HNRNPA2B1: variants seen among roughly 807,000 people sequenced by gnomAD.
HNRNPA2B1 encodes the protein heterogeneous nuclear ribonucleoprotein A2/B1, also known as heterogeneous nuclear ribonucleoproteins A2/B1.
Under a neutral mutation model 46.3 loss-of-function variants are expected in HNRNPA2B1, and 3 were observed. That is an observed-to-expected ratio of 0.06 (90% CI 0.03 to 0.17). HNRNPA2B1 has a LOEUF of 0.17. HNRNPA2B1 is among the 10% of genes least tolerant of loss of function. The probability of loss-of-function intolerance (pLI) is 1.00; values close to 1 mark genes in which losing one functional copy is unlikely to be tolerated. For missense variants in HNRNPA2B1, 221 were observed against 418.9 expected (o/e 0.53, Z 4.12); for synonymous variants, 225 against 133.8 (o/e 1.68, Z -4.70).
chr7:26,197,482 C>T (rs1384917150), intron 2 of HNRNPA2B1, 21 bp from the exon 3 acceptor site: 1 of 1,611,028 alleles, frequency 6.2e-7, no homozygotes, highest in Non-Finnish European at 8.5e-7. Flanking sequence ...AAAGGGTAAA[C>T]TTTAGCATTT....
At position 26,193,246 on chromosome 7, in the gene HNRNPA2B1, A is replaced by G. The variant is rs878989290; in HGVS notation, c.964+5T>C. The G allele has an allele frequency of 1.2e-6, 2 of 1,606,210 alleles. No individual in the cohort carries two copies. Among genetic ancestry groups the G allele is most frequent in the South Asian group, 1.1e-5 (1 of 89,284 alleles). On this transcript the variant is annotated splice_donor_5th_base_variant and intron_variant, in intron 9 of 10. Coordinates refer to ENST00000618183, the MANE Select transcript of HNRNPA2B1 (RefSeq NM_002137.4). ...ATCTGAATAACCTCAATTTTTATAA[A>G]TTACCTCCACCATATGGTCCCCCCA...
At position 26,196,462 on chromosome 7, in the gene HNRNPA2B1, A is replaced by C; in HGVS notation, c.597T>G (p.Asp199Glu). Residue 199 changes from aspartate (D) to glutamate (E), a missense_variant, in exon 6 of 11, where the codon GAT becomes GAG. Asp to Glu is a conservative substitution (Grantham distance 45). Around this residue, in one of 2 missense-constraint regions of HNRNPA2B1, gnomAD observed 143 missense variants for 200.5 expected, o/e 0.71. Transcript: ENST00000618183. ...CGAAATTTCCACCGCCACCACGTGA[A>C]TCCCCAAAGCCAAAGTTGCCTACAA... Reference protein sequence around the residue: ...SGRGGNFGFGDSRGGGGNFGP... With the variant: ...SGRGGNFGFGESRGGGGNFGP... 1 of 1,614,196 alleles carries C rather than the reference A, an allele frequency of 6.2e-7. No individual in the cohort carries two copies.
chr7:26,196,017 G>A lies in HNRNPA2B1; in HGVS notation c.659-108C>T, dbSNP rs61009175. The A allele has an allele frequency of 0.03, 42,125 of 1,405,676 alleles. 713 individuals are homozygous for A. Among genetic ancestry groups the A allele is most frequent in the Middle Eastern group, 0.051 (275 of 5,412 alleles). 87.1% of individuals were successfully genotyped at this position (1,405,676 alleles called of 1,614,324 possible). On this transcript the variant is annotated intron_variant, in intron 6 of 10. Transcript: ENST00000618183. ...CTCAGCACAATAATTAAGAACCGCA[G>A]AAAAGGACACACCAGTGCTACCAGT...
chr7:26,193,815 A>G (rs1783181018), intron 7 of HNRNPA2B1, 121 bp from the exon 8 acceptor site: 1 of 892,896 alleles, frequency 1.1e-6, no homozygotes, highest in South Asian at 1.6e-5. Context: ...AAATTCCTCT[A>G]AAATAGCTTC....
At chr7:26,199,723 G>A (rs536813566) in intron 1 of HNRNPA2B1, 51 of 152,010 alleles carry the variant, frequency 3.4e-4, no homozygotes, top group African/African-American at 1.1e-3. Flanking sequence ...TCGTTTTACT[G>A]ACTGCAGACC....
chr7:26,199,125 G>A (rs1414170918), intron 1 of HNRNPA2B1: 2 of 152,202 alleles, frequency 1.3e-5, no homozygotes, highest in African/African-American at 4.8e-5. Flanking sequence ...CTGAAATTAC[G>A]GATAATGTAC....
At chr7:26,196,045 A>AC in intron 6 of HNRNPA2B1, 136 bp from the exon 7 acceptor site, 1 of 1,235,626 alleles carries the variant, frequency 8.1e-7, no homozygotes, top group East Asian at 2.7e-5. Flanking sequence ...CTACCAGTTT[A>AC]CCCACAAAAC....
rs1169689159 is a variant in HNRNPA2B1 at position 26,190,567 on chromosome 7, T to TA, written c.*1792dup. On this transcript the variant is annotated 3_prime_UTR_variant, in exon 11 of 11. Transcript: ENST00000618183. Reference sequence around the variant, plus strand: ...GGATCAAAGAAGACTCATTGGTGTATAGAGTAAGCCCTGAGTATCACATTC... The same window carrying TA: ...GGATCAAAGAAGACTCATTGGTGTATAAGAGTAAGCCCTGAGTATCACATTC... The TA allele has an allele frequency of 6.6e-6, 1 of 152,210 alleles. No individual in the cohort carries two copies. The highest frequency in any genetic ancestry group is 1.5e-5 in the Non-Finnish European group (1 of 68,014). The allele number at this position is 152,210 out of a possible 1,614,324, so 9.4% of individuals were successfully genotyped here. A position where few individuals can be genotyped will look rare whatever the true frequency, so the allele number is the denominator to read the frequency against.
intron 7 of HNRNPA2B1, among the ~76,000 whole-genome samples, chr7:26,194,409 A>G (rs995079689): frequency 2.6e-5 from 4 of 151,808 alleles, no homozygotes; most frequent in African/African-American, 9.7e-5. Context: ...AAACGAAACA[A>G]TGTTCTTGGC....
At chr7:26,200,080 C>CT (rs1784214052) in intron 1 of HNRNPA2B1, 1 of 173,022 alleles carries the variant, frequency 5.8e-6, no homozygotes, top group South Asian at 1.1e-4. Flanking sequence ...AGAAAGCACA[C>CT]TAAGAAAATA....
chr7:26,190,046 G>A lies in HNRNPA2B1; in HGVS notation c.*2314C>T, dbSNP rs939561047. 3 of 152,464 alleles carry A rather than the reference G, an allele frequency of 2.0e-5. No homozygotes were observed. The highest frequency in any genetic ancestry group is 7.2e-5 in the African/African-American group (3 of 41,422). The allele number at this position is 152,464 out of a possible 1,614,324, so 9.4% of individuals were successfully genotyped here. The stretch of plus-strand genomic sequence containing the variant: ...TTGTGAAACTGCTTTTAAAAATTTA[G>A]GGGATGGTGATCTTTTAGACAACCA... On this transcript the variant is annotated 3_prime_UTR_variant, in exon 11 of 11. Transcript: ENST00000618183.
At chr7:26,200,494 C>G in intron 1 of HNRNPA2B1, 78 bp downstream of exon 1, 1 of 1,440,284 alleles carries the variant, frequency 6.9e-7, no homozygotes, top group South Asian at 1.1e-5. Context: ...CCCACGGAGG[C>G]GGCTGGCCGA....
rs757011566 is a variant in HNRNPA2B1, at chr7:26,193,705, A to G, written c.722-11T>C. On this transcript the variant is annotated splice_polypyrimidine_tract_variant and intron_variant, in intron 7 of 10. Transcript: ENST00000618183. ...CTCCAAAATTGCCACCTATTATAAA[A>G]TAAGCCTTTAAGTAATCACTTAATA... 4 of 1,608,414 alleles carry G rather than the reference A, an allele frequency of 2.5e-6. No homozygotes were observed. Among genetic ancestry groups the G allele is most frequent in the South Asian group, 1.1e-5 (1 of 90,608 alleles).
At position 26,200,715 on chromosome 7, in the gene HNRNPA2B1, A is replaced by C; in HGVS notation, c.-138T>G. On this transcript the variant is annotated 5_prime_UTR_variant, in exon 1 of 11. Coordinates refer to ENST00000618183, the MANE Select transcript of HNRNPA2B1 (RefSeq NM_002137.4). ...CTCGAGAAACAACTCTGCGAGGAGC[A>C]CCTCCGCACGGGACCCGGCGCTGCT... is the stretch of plus-strand genomic sequence containing the variant. The C allele has an allele frequency of 9.2e-7, 1 of 1,089,972 alleles. No individual in the cohort carries two copies. Among genetic ancestry groups the C allele is most frequent in the Non-Finnish European group, 1.4e-6 (1 of 716,354 alleles). The allele number at this position is 1,089,972 out of a possible 1,614,324, so 67.5% of individuals were successfully genotyped here.
In HNRNPA2B1 at chr7:26,200,737, T is replaced by G. The variant is rs764966994; in HGVS notation, c.-160A>C. On this transcript the variant is annotated 5_prime_UTR_variant, in exon 1 of 11. Transcript: ENST00000618183. ...AGCACCTCCGCACGGGACCCGGCGC[T>G]GCTGCTACTGCCGCTAGAGCCGCTG... The G allele has an allele frequency of 3.5e-6, 3 of 864,048 alleles. No homozygotes were observed. Among genetic ancestry groups the G allele is most frequent in the Middle Eastern group, 5.5e-4 (2 of 3,660 alleles). The allele number at this position is 864,048 out of a possible 1,614,324, so 53.5% of individuals were successfully genotyped here.
chr7:26,196,295 A>C, intron 6 of HNRNPA2B1, 106 bp downstream of exon 6: 3 of 897,416 alleles, frequency 3.3e-6, no homozygotes, highest in South Asian at 3.4e-5. Context: ...TTGAAGTCTT[A>C]GGAAAATTGA....
At chr7:26,197,993 A>G (rs1398231004) in intron 1 of HNRNPA2B1, 4 of 519,704 alleles carry the variant, frequency 7.7e-6, no homozygotes, top group Non-Finnish European at 1.3e-5. Context: ...CTTGATATAA[A>G]TTTACTCAAC....
chr7:26,200,361 G>A lies in HNRNPA2B1; in HGVS notation c.6+211C>T, dbSNP rs544709672. 71 of 625,696 alleles carry A rather than the reference G, an allele frequency of 1.1e-4. No individual in the cohort carries two copies. The African/African-American group carries it at 1.2e-3, about 11-fold the overall frequency. The allele number at this position is 625,696 out of a possible 1,614,324, so 38.8% of individuals were successfully genotyped here. On this transcript the variant is annotated intron_variant, in intron 1 of 10. Transcript: ENST00000618183. ...CTCCCCATCCCCCACCCCCAGTGAA[G>A]GGAAATGGCGCCGGGAGGCTGAGGG...
chr7:26,193,228 T>G (rs747622237), intron 9 of HNRNPA2B1, 23 bp downstream of exon 9: 3 of 1,602,200 alleles, frequency 1.9e-6, no homozygotes, highest in Non-Finnish European at 2.6e-6. Context: ...AAAATCTGAA[T>G]AACCTCAATT....
Sources: gnomAD v4.1 joint callset for allele counts (sites outside exome capture counted in the v4.1 genomes callset) on GRCh38, gnomAD v4.1.1 for gene constraint, gnomAD v4.1.1 regional missense constraint, MANE v1.5 for transcripts, NCBI Gene and HGNC (gene_info 2026-07-23, HGNC 2026-07-21) for gene names.